ACSM2B: variants seen among roughly 807,000 people sequenced by gnomAD.
The protein encoded by ACSM2B is acyl-CoA synthetase medium chain family member 2B, also known as acyl-coenzyme A synthetase ACSM2B, mitochondrial.
A neutral mutation model predicts 78.6 loss-of-function variants in ACSM2B; 58 were observed. The ratio of observed to expected loss-of-function variants is 0.74; its 90% CI spans 0.60 to 0.92. The LOEUF is 0.92. ACSM2B is among the 40% of genes least tolerant of loss of function. The pLI is 0.00. For synonymous variants in ACSM2B, 257 were observed against 256.8 expected (o/e 1.00, Z -0.01); for missense variants, 688 against 711.2 (o/e 0.97, Z 0.37).
At chr16:20,555,593 A>G in intron 3 of ACSM2B, 117 bp from the exon 4 acceptor site, 1 of 1,509,738 alleles carries the variant, frequency 6.6e-7, no homozygotes, top group Non-Finnish European at 8.8e-7. Context: ...GGAAGTAATG[A>G]CCAATGGAGA....
rs771022459 is a variant in ACSM2B at position 20,548,196 on chromosome 16, G to T, written c.975-11C>A. Reference sequence around the variant, plus strand: ...TGGGGGAACTTGTAACTGAAGAAGAGAAATAAATGTTTGCCCTCAGCCTCC... The same window carrying T: ...TGGGGGAACTTGTAACTGAAGAAGATAAATAAATGTTTGCCCTCAGCCTCC... On this transcript the variant is annotated splice_polypyrimidine_tract_variant and intron_variant, in intron 7 of 13. Coordinates refer to ENST00000329697, the MANE Select transcript of ACSM2B (RefSeq NM_001105069.2). 6.2e-6 allele frequency: 10 copies of T among 1,613,868 alleles called. No individual in the cohort carries two copies. In the African/African-American group the frequency reaches 1.3e-4, roughly 22 times the overall value.
Position 20,547,970 on chromosome 16 carries a change from A to G in ACSM2B, c.1098+92T>C, listed in dbSNP as rs1330694592. 2.5e-6 allele frequency: 4 copies of G among 1,574,748 alleles called. No individual in the cohort carries two copies. In the African/African-American group the frequency reaches 5.5e-5, roughly 22 times the overall value. ...CAATAAATATTTCTCAAATAAATGAATGATACATGGTGGCTAACATGTTTT... is the reference window on the plus strand; with the variant it reads ...CAATAAATATTTCTCAAATAAATGAGTGATACATGGTGGCTAACATGTTTT... On this transcript the variant is annotated intron_variant, in intron 8 of 13. Coordinates refer to ENST00000329697, the MANE Select transcript of ACSM2B (RefSeq NM_001105069.2).
chr16:20,555,963 T>C (rs764937655), intron 3 of ACSM2B, among the ~76,000 whole-genome samples: 2 of 152,110 alleles, frequency 1.3e-5, no homozygotes, highest in African/African-American at 4.8e-5. Flanking sequence ...GTTTTACATA[T>C]CTATGTACAC....
intron 2 of ACSM2B, among the ~76,000 whole-genome samples, chr16:20,559,947 A>T (rs1435634079): frequency 6.6e-6 from 1 of 150,948 alleles, no homozygotes; most frequent in Non-Finnish European, 1.5e-5. Context: ...AAAAAGGCAA[A>T]TATCACTTTA....
intron 2 of ACSM2B, among the ~76,000 whole-genome samples, chr16:20,562,005 G>T (rs2015672733): frequency 6.6e-6 from 1 of 151,194 alleles, no homozygotes; most frequent in Non-Finnish European, 1.5e-5. Flanking sequence ...GAGAATGATG[G>T]TTTATTTTTT....
intron 1 of ACSM2B, among the ~76,000 whole-genome samples, chr16:20,566,562 T>C (rs1158031337): frequency 1.0e-5 from 1 of 100,458 alleles, no homozygotes; most frequent in Non-Finnish European, 1.8e-5. Flanking sequence ...CTATATATAG[T>C]ATATAAGGAG....
chr16:20,549,683 G>A (rs1454990080), intron 6 of ACSM2B: 1 of 411,430 alleles, frequency 2.4e-6, no homozygotes, highest in Non-Finnish European at 4.8e-6. Context: ...AGGAGGTCCT[G>A]AGAACACGTG....
intron 3 of ACSM2B, 26 bp from the exon 4 acceptor site, chr16:20,555,502 T>C (rs1031494799): frequency 7.4e-6 from 12 of 1,610,882 alleles, no homozygotes; most frequent in Non-Finnish European, 1.0e-5. Flanking sequence ...ATTTAGAGAA[T>C]TGGAAAGGAT....
intron 3 of ACSM2B, 140 bp downstream of exon 3, chr16:20,559,097 A>G (rs1351316374): frequency 2.8e-6 from 4 of 1,434,412 alleles, no homozygotes; most frequent in Admixed American, 5.8e-5. Context: ...AAGTGGAAGC[A>G]GGGAGAAGTC....
chr16:20,542,158 C>T (rs1261576546), intron 12 of ACSM2B: 4 of 151,088 alleles, frequency 2.6e-5, no homozygotes, highest in Non-Finnish European at 4.4e-5. Flanking sequence ...TGGTTGTTAA[C>T]TATAGTCACC....
rs1380025776 is a variant in ACSM2B, at chr16:20,541,732, G to T, written c.1510-959C>A. 1.9e-4 allele frequency: 25 copies of T among 128,428 alleles called. No homozygotes were observed. The Admixed American group carries it at 2.5e-3, about 13-fold the overall frequency. 8.0% of individuals were successfully genotyped at this position (128,428 alleles called of 1,614,324 possible). ...GAGTCTCACTCTGTCACCCAGGCTA[G>T]AGTGCAGAGGCGCGATCTCGGCTCA... On this transcript the variant is annotated intron_variant, in intron 12 of 13. Coordinates refer to ENST00000329697, the MANE Select transcript of ACSM2B (RefSeq NM_001105069.2).
chr16:20,546,871 A>G (rs1339351081), intron 8 of ACSM2B: 1 of 175,572 alleles, frequency 5.7e-6, no homozygotes, highest in Non-Finnish European at 1.1e-5. Flanking sequence ...TGGTGTATCT[A>G]TTTATGGGAT....
At chr16:20,566,778 TACA>T (rs1392582141) in intron 1 of ACSM2B, among the ~76,000 whole-genome samples, 2 of 96,500 alleles carry the variant, frequency 2.1e-5, no homozygotes, top group Non-Finnish European at 3.8e-5. Context: ...GATATATAGA[TACA>T]ATATTTTGAA....
At chr16:20,565,989 C>G (rs555700784) in intron 1 of ACSM2B, among the ~76,000 whole-genome samples, 1 of 150,978 alleles carries the variant, frequency 6.6e-6, no homozygotes, top group African/African-American at 2.4e-5. Context: ...GCTGCGAATG[C>G]CATTAAGTCA....
chr16:20,557,500 T>C (rs2015511226), intron 3 of ACSM2B, among the ~76,000 whole-genome samples: 1 of 152,204 alleles, frequency 6.6e-6, no homozygotes, highest in African/African-American at 2.4e-5. Flanking sequence ...ATCTGAGATT[T>C]CCAACTCCAC....
intron 8 of ACSM2B, 88 bp downstream of exon 8, chr16:20,547,974 T>C: frequency 6.3e-7 from 1 of 1,590,380 alleles, no homozygotes; most frequent in Non-Finnish European, 8.6e-7. Flanking sequence ...AAATGAATGA[T>C]ACATGGTGGC....
At position 20,574,092 on chromosome 16, in the gene ACSM2B, C is replaced by A. The variant is rs1387439630; in HGVS notation, c.-9+2115G>T. On this transcript the variant is annotated intron_variant, in intron 1 of 13. Transcript: ENST00000329697. ...CCGCATAAGACAAACACTCCCAGAG[C>A]GGCCATCTATAGACCTACCCCCAGG... 2.4e-4 allele frequency: 37 copies of A among 152,268 alleles called. 1 individual carries two copies. Among genetic ancestry groups the A allele is most frequent in the Middle Eastern group, 3.4e-3 (1 of 294 alleles). The allele number at this position is 152,268 out of a possible 1,614,324, so 9.4% of individuals were successfully genotyped here. A position where few individuals can be genotyped will look rare whatever the true frequency, so the allele number is the denominator to read the frequency against.
rs749408371 is a variant in ACSM2B at position 20,548,194 on chromosome 16, G to C, written c.975-9C>G. 1 of 1,614,030 alleles carries C rather than the reference G, an allele frequency of 6.2e-7. No homozygotes were observed. The highest frequency in any genetic ancestry group is 8.5e-7 in the Non-Finnish European group (1 of 1,179,908). ...GATGGGGGAACTTGTAACTGAAGAA[G>C]AGAAATAAATGTTTGCCCTCAGCCT... is the stretch of plus-strand genomic sequence containing the variant. On this transcript the variant is annotated splice_polypyrimidine_tract_variant and intron_variant, in intron 7 of 13. Coordinates refer to ENST00000329697, the MANE Select transcript of ACSM2B (RefSeq NM_001105069.2).
intron 10 of ACSM2B, among the ~76,000 whole-genome samples, chr16:20,543,605 C>T (rs1224879345): frequency 6.6e-6 from 1 of 152,204 alleles, no homozygotes; most frequent in Non-Finnish European, 1.5e-5. Flanking sequence ...CTCCATAGCA[C>T]CACTCAAAGC....
Sources: allele counts gnomAD v4.1 joint callset (sites outside exome capture counted in the v4.1 genomes callset), GRCh38; gene constraint gnomAD v4.1.1; transcripts MANE v1.5; gene names NCBI Gene and HGNC (gene_info 2026-07-23, HGNC 2026-07-21).